SOX5: variants seen among roughly 807,000 people sequenced by gnomAD.
SOX5 encodes SRY-box transcription factor 5, also known as transcription factor SOX-5.
A neutral mutation model predicts 92.0 loss-of-function variants in SOX5; 9 were observed. The observed-to-expected ratio is 0.10, with a 90% CI of 0.06 to 0.17. SOX5 has a LOEUF of 0.17. Among genes scored for constraint, SOX5 ranks in the 10% least tolerant of loss-of-function variants. The pLI, the probability that SOX5 is intolerant of heterozygous loss-of-function variation, is 1.00. For synonymous variants in SOX5, 344 were observed against 336.3 expected (o/e 1.02, Z -0.25); for missense variants, 642 against 944.5 (o/e 0.68, Z 4.20).
At chr12:23,581,707 G>T (rs1440323000) in intron 9 of SOX5, among the ~76,000 whole-genome samples, 1 of 151,976 alleles carries the variant, frequency 6.6e-6, no homozygotes, top group Non-Finnish European at 1.5e-5. Flanking sequence ...TGAGGCTTTG[G>T]TTTTATGTGA....
intron 4 of SOX5, among the ~76,000 whole-genome samples, chr12:24,053,707 G>A (rs1424811136): frequency 6.6e-6 from 1 of 152,110 alleles, no homozygotes; most frequent in Non-Finnish European, 1.5e-5. Flanking sequence ...TCAAATTGCT[G>A]CACCTCATGT....
At chr12:23,951,460 C>A (rs191766515), upstream of SOX5, among the ~76,000 whole-genome samples, 2 of 152,094 alleles carry the variant, frequency 1.3e-5, 1 homozygote, top group South Asian at 4.2e-4. Flanking sequence ...TTTCTGGAGA[C>A]AGGCAAACAG....
chr12:23,779,337 T>C (rs945399432), intron 3 of SOX5, among the ~76,000 whole-genome samples: 3 of 150,894 alleles, frequency 2.0e-5, no homozygotes, highest in African/African-American at 7.3e-5. Flanking sequence ...CATGTGATTT[T>C]ACTTCCACTG....
intron 4 of SOX5, among the ~76,000 whole-genome samples, chr12:23,746,728 A>G (rs1046851209): frequency 3.9e-5 from 6 of 152,102 alleles, no homozygotes; most frequent in Non-Finnish European, 8.8e-5. Context: ...AGCTTCAGTC[A>G]TCTCCAGCTC....
At chr12:24,389,226 G>A (rs145645201) in intron 1 of SOX5, among the ~76,000 whole-genome samples, 2,437 of 151,948 alleles carry the variant, frequency 0.016, 80 homozygotes, top group African/African-American at 0.055. Flanking sequence ...TTGTTCTTGC[G>A]ATAGTTTACT....
intron 4 of SOX5, among the ~76,000 whole-genome samples, chr12:24,049,438 G>C (rs1957340709): frequency 6.6e-6 from 1 of 152,174 alleles, no homozygotes; most frequent in Non-Finnish European, 1.5e-5. Context: ...GAAACAGTGA[G>C]AAAGCATTAT....
At chr12:24,262,758 A>G (rs1170030237) in intron 3 of SOX5, among the ~76,000 whole-genome samples, 1 of 152,132 alleles carries the variant, frequency 6.6e-6, no homozygotes, top group Non-Finnish European at 1.5e-5. Flanking sequence ...CATTTTCCTT[A>G]TTCTTGTGTC....
chr12:24,504,804 C>T (rs1481736550), intron 1 of SOX5, among the ~76,000 whole-genome samples: 1 of 152,104 alleles, frequency 6.6e-6, no homozygotes, highest in African/African-American at 2.4e-5. Flanking sequence ...GATTAAGGAC[C>T]TAGCACACTG....
At chr12:23,595,194 G>A (rs191809226) in intron 9 of SOX5, among the ~76,000 whole-genome samples, 6 of 152,070 alleles carry the variant, frequency 3.9e-5, no homozygotes, top group Non-Finnish European at 5.9e-5. Context: ...TAAACATAGG[G>A]TGCTATAGAA....
chr12:23,853,774 A>G (rs1416142790), intron 2 of SOX5, among the ~76,000 whole-genome samples: 3 of 152,146 alleles, frequency 2.0e-5, no homozygotes, highest in African/African-American at 7.2e-5. Context: ...CAGCCTCATT[A>G]TCTTCCTGGG....
intron 1 of SOX5, among the ~76,000 whole-genome samples, chr12:24,444,146 G>C (rs374432293): frequency 1.1e-3 from 171 of 152,324 alleles, no homozygotes; most frequent in African/African-American, 4.1e-3. Flanking sequence ...ATTTCAAAGG[G>C]AGGGACGGGG....
At chr12:24,461,640 G>T (rs1035478346) in intron 1 of SOX5, among the ~76,000 whole-genome samples, 5 of 152,012 alleles carry the variant, frequency 3.3e-5, no homozygotes, top group Non-Finnish European at 5.9e-5. Flanking sequence ...AGTTTACTTT[G>T]TCTTGGGTAT....
At chr12:23,933,746 CAA>C (rs1449348483) in intron 1 of SOX5, among the ~76,000 whole-genome samples, 1 of 151,464 alleles carries the variant, frequency 6.6e-6, no homozygotes, top group African/African-American at 2.4e-5. Context: ...TGAGCAGATC[CAA>C]AAGTGTTTCC....
intron 1 of SOX5, among the ~76,000 whole-genome samples, chr12:23,898,565 C>T (rs1354665227): frequency 6.6e-6 from 1 of 152,146 alleles, no homozygotes; most frequent in South Asian, 2.1e-4. Flanking sequence ...AAAGTAGACA[C>T]AGGTTGTTAA....
In SOX5 at chr12:24,316,133, G is replaced by C. The variant is rs146265908; in HGVS notation, c.-173-38821C>G. Among the ~76,000 whole-genome samples, 619 of 152,264 alleles carry C rather than the reference G, an allele frequency of 4.1e-3. 3 individuals carry two copies. The highest frequency in any genetic ancestry group is 0.014 in the African/African-American group (599 of 41,550). ...GGTAATTACAGAATAAAAATCACTG[G>C]AGTCTTAACACATCAGGAACATGCC... On this transcript the variant is annotated intron_variant, in intron 2 of 4. Coordinates refer to the SOX5 transcript ENST00000446891.
intron 3 of SOX5, among the ~76,000 whole-genome samples, chr12:23,807,575 T>C (rs1466234359): frequency 6.6e-6 from 1 of 151,944 alleles, no homozygotes; most frequent in Non-Finnish European, 1.5e-5. Context: ...TTCAGAAGGA[T>C]CATGGCTCTG....
chr12:24,216,310 C>G (rs1206398959), intron 3 of SOX5, among the ~76,000 whole-genome samples: 1 of 151,680 alleles, frequency 6.6e-6, no homozygotes, highest in African/African-American at 2.4e-5. Context: ...GGTGAAACCC[C>G]GTGTCTACTA....
At chr12:24,233,732 C>T (rs1963881370) in intron 3 of SOX5, among the ~76,000 whole-genome samples, 1 of 152,142 alleles carries the variant, frequency 6.6e-6, no homozygotes, top group Admixed American at 6.5e-5. Context: ...GCTATTTGTC[C>T]CTATTGGGAT....
chr12:23,775,786 T>C (rs997347623), intron 3 of SOX5, among the ~76,000 whole-genome samples: 25 of 152,222 alleles, frequency 1.6e-4, no homozygotes, highest in African/African-American at 5.5e-4. Flanking sequence ...AGGGCACTCT[T>C]GTCCAAAAAC....
Sources: gnomAD v4.1 joint callset for allele counts (sites outside exome capture counted in the v4.1 genomes callset) on GRCh38, gnomAD v4.1.1 for gene constraint, MANE v1.5 for transcripts, NCBI Gene and HGNC (gene_info 2026-07-23, HGNC 2026-07-21) for gene names.